ADGRV1: variants seen among roughly 807,000 people sequenced by gnomAD.
ADGRV1 encodes adhesion G protein-coupled receptor V1.
A neutral mutation model predicts 596.2 loss-of-function variants in ADGRV1; 359 were observed. That is an observed-to-expected ratio of 0.60 (90% CI 0.55 to 0.66). The LOEUF (loss-of-function observed/expected upper bound fraction) is 0.66. Among genes scored for constraint, ADGRV1 ranks in the 30% least tolerant of loss-of-function variants. The pLI is 0.00. For missense variants in ADGRV1, 7,274 were observed against 7,575.6 expected, an observed-to-expected ratio of 0.96 and a Z score of 1.48; for synonymous variants, 2,681 against 2,679.2, an observed-to-expected ratio of 1.00 and a Z score of -0.02.
chr5:90,869,559 C>T (rs192440975), intron 83 of ADGRV1, among the ~76,000 whole-genome samples: 1 of 152,152 alleles, frequency 6.6e-6, no homozygotes, highest in Admixed American at 6.5e-5. Flanking sequence ...TTACCATCAT[C>T]CGATTAGGAT....
chr5:90,749,361 G>A (rs964670612), intron 52 of ADGRV1, among the ~76,000 whole-genome samples: 2 of 152,192 alleles, frequency 1.3e-5, no homozygotes, highest in African/African-American at 4.8e-5. Context: ...TGGAGGGCAT[G>A]GAGCCAGAGA....
At chr5:90,601,369 A>G (rs1412049820) in intron 1 of ADGRV1, among the ~76,000 whole-genome samples, 1 of 152,230 alleles carries the variant, frequency 6.6e-6, no homozygotes, top group Non-Finnish European at 1.5e-5. Flanking sequence ...TCATACCACT[A>G]GGAACTCCAC....
chr5:90,794,640 G>A (rs1202376145), intron 70 of ADGRV1, among the ~76,000 whole-genome samples: 2 of 152,108 alleles, frequency 1.3e-5, no homozygotes, highest in African/African-American at 2.4e-5. Flanking sequence ...ACCATAAATC[G>A]TTTCTGTTTG....
chr5:91,116,013 C>T (rs769074511), intron 87 of ADGRV1, among the ~76,000 whole-genome samples: 6 of 151,950 alleles, frequency 3.9e-5, no homozygotes, highest in Non-Finnish European at 7.4e-5. Flanking sequence ...AAGGTACTTG[C>T]GCCAAATGGA....
At chr5:90,926,266 C>G (rs1256813385) in intron 83 of ADGRV1, among the ~76,000 whole-genome samples, 1 of 151,982 alleles carries the variant, frequency 6.6e-6, no homozygotes, top group Non-Finnish European at 1.5e-5. Context: ...TGGTCCTGGA[C>G]TCTTTTTGGT....
chr5:90,716,822 A>G (rs1019790388), intron 43 of ADGRV1, 93 bp downstream of exon 43: 4 of 875,864 alleles, frequency 4.6e-6, no homozygotes, highest in Non-Finnish European at 1.7e-6. Flanking sequence ...CTAGAATGAA[A>G]AAACAATACT....
rs1768569821 is a variant in ADGRV1, at chr5:90,651,223, C to T, written c.3290-381C>T. ...TATTTGTATGAAATAAAAGAATCCACCTAAGAAATTTGAAAATAGAAGAAA... is the reference window on the plus strand; with the variant it reads ...TATTTGTATGAAATAAAAGAATCCATCTAAGAAATTTGAAAATAGAAGAAA... On this transcript the variant is annotated intron_variant, in intron 17 of 89. Transcript: ENST00000405460. Among the ~76,000 whole-genome samples, 18 of 152,018 alleles carry T rather than the reference C, an allele frequency of 1.2e-4. No homozygotes were observed. In the South Asian group the frequency reaches 1.7e-3, roughly 14 times the overall value.
At chr5:90,830,859 T>G (rs1010898355) in intron 77 of ADGRV1, among the ~76,000 whole-genome samples, 1 of 152,188 alleles carries the variant, frequency 6.6e-6, no homozygotes, top group Non-Finnish European at 1.5e-5. Context: ...TAAAGCAGAT[T>G]GCCTTCATAA....
At chr5:90,930,720 A>C (rs756435518) in intron 83 of ADGRV1, among the ~76,000 whole-genome samples, 3 of 152,168 alleles carry the variant, frequency 2.0e-5, no homozygotes, top group Non-Finnish European at 2.9e-5. Context: ...GCCCTAATCA[A>C]CTTGGTCTTG....
intron 21 of ADGRV1, among the ~76,000 whole-genome samples, chr5:90,664,954 G>T (rs1306756472): frequency 1.3e-5 from 2 of 151,964 alleles, no homozygotes; most frequent in East Asian, 3.8e-4. Context: ...TGCATCCCAG[G>T]GATGAAGCCC....
intron 87 of ADGRV1, among the ~76,000 whole-genome samples, chr5:91,105,657 T>G (rs1419656473): frequency 6.6e-6 from 1 of 152,186 alleles, no homozygotes; most frequent in Non-Finnish European, 1.5e-5. Flanking sequence ...CCTGTTTTAT[T>G]CAGATTGCTT....
Position 90,745,785 on chromosome 5 carries a change from C to G in ADGRV1, c.10964C>G (p.Ala3655Gly). The stretch of plus-strand genomic sequence containing the variant: ...AATGATGATGCCTATGGAATTGTTG[C>G]ATTTGCTCAGGTAATGATACTGAAG... ...LSNDDAYGIV[A>G]FAQNSLYKQV... The change falls in exon 52 of 90, where the codon GCA (alanine) becomes GGA (glycine). Residue 3655 changes from alanine to glycine, a missense_variant. Ala to Gly is a moderately conservative substitution (Grantham distance 60). Around this residue, in one of 5 missense-constraint regions of ADGRV1, gnomAD observed 3,643 missense variants for 3,809.2 expected, o/e 0.96. Transcript: ENST00000405460. 1 of 1,594,912 alleles carries G rather than the reference C, an allele frequency of 6.3e-7. No homozygotes were observed. The highest frequency in any genetic ancestry group is 8.6e-7 in the Non-Finnish European group (1 of 1,164,244).
intron 87 of ADGRV1, among the ~76,000 whole-genome samples, chr5:91,143,092 T>G (rs1483482935): frequency 6.6e-6 from 1 of 152,190 alleles, no homozygotes; most frequent in Admixed American, 6.5e-5. Context: ...AGGCACTGGC[T>G]GTCTGTGAGG....
chr5:90,920,405 A>G (rs376930911), intron 83 of ADGRV1, among the ~76,000 whole-genome samples: 3 of 152,152 alleles, frequency 2.0e-5, no homozygotes, highest in African/African-American at 7.2e-5. Context: ...GAACATAACA[A>G]ATACTCTTTT....
intron 83 of ADGRV1, among the ~76,000 whole-genome samples, chr5:90,869,118 C>T (rs1372639186): frequency 1.3e-5 from 2 of 152,102 alleles, no homozygotes; most frequent in African/African-American, 4.8e-5. Flanking sequence ...AAAAAAATCT[C>T]TTCCTCTGTA....
At chr5:90,859,923 TAAAAAAA>T (rs575648968) in intron 82 of ADGRV1, among the ~76,000 whole-genome samples, 18 of 117,450 alleles carry the variant, frequency 1.5e-4, no homozygotes, top group African/African-American at 6.0e-4. Context: ...GTACAAAAAG[TAAAAAAA>T]AAAAAAAAAA....
chr5:90,662,439 T>C (rs184365810), intron 21 of ADGRV1, among the ~76,000 whole-genome samples: 5,192 of 152,004 alleles, frequency 0.034, 168 homozygotes, highest in African/African-American at 0.09. Context: ...GTGATCCACC[T>C]ACCTCAGCCT....
chr5:90,748,261 T>C (rs1754844199), intron 52 of ADGRV1, among the ~76,000 whole-genome samples: 3 of 152,198 alleles, frequency 2.0e-5, no homozygotes, highest in African/African-American at 7.2e-5. Context: ...GTAGATCAGC[T>C]TCCTCTGAGG....
intron 86 of ADGRV1, chr5:91,091,936 A>G (rs1790421564): frequency 6.6e-6 from 1 of 152,214 alleles, no homozygotes; most frequent in Non-Finnish European, 1.5e-5. Flanking sequence ...TCTCACAGAC[A>G]CACTCAGAAA....
Sources: allele counts gnomAD v4.1 joint callset (sites outside exome capture counted in the v4.1 genomes callset), GRCh38; gene constraint gnomAD v4.1.1; regional missense constraint gnomAD v4.1.1; transcripts MANE v1.5; gene names NCBI Gene and HGNC (gene_info 2026-07-23, HGNC 2026-07-21).